MAP7: variants seen among roughly 807,000 people sequenced by gnomAD.
MAP7 encodes microtubule associated protein 7.
In MAP7, 52 loss-of-function variants were observed where a neutral mutation model predicts 94.8. The ratio of observed to expected loss-of-function variants is 0.55; its 90% confidence interval spans 0.44 to 0.69. MAP7 has a LOEUF of 0.69. MAP7 is among the 30% of genes least tolerant of loss of function. The pLI is 0.00. For missense variants in MAP7, 940 were observed against 964.6 expected (o/e 0.97, Z 0.34); for synonymous variants, 350 against 357.0 (o/e 0.98, Z 0.22).
intron 8 of MAP7, among the ~76,000 whole-genome samples, chr6:136,367,349 TCAGGAGGGCAGACTG>T (rs1794593827): frequency 1.3e-5 from 2 of 152,202 alleles, no homozygotes; most frequent in Non-Finnish European, 2.9e-5. Context: ...TGAACACCTG[TCAGGAGGGCAGACTG>T]CAAGCGTACA....
At chr6:136,541,609 G>A (rs1829324585) in intron 1 of MAP7, among the ~76,000 whole-genome samples, 1 of 152,122 alleles carries the variant, frequency 6.6e-6, no homozygotes, top group South Asian at 2.1e-4. Context: ...TATACCCCGT[G>A]CTCCTCTGTG....
chr6:136,358,238 C>T (rs549995737), intron 15 of MAP7, among the ~76,000 whole-genome samples: 1 of 152,186 alleles, frequency 6.6e-6, no homozygotes, highest in African/African-American at 2.4e-5. Flanking sequence ...AAGGAAAGGG[C>T]AGGAAGGGGG....
chr6:136,381,699 A>T (rs899113932), intron 6 of MAP7, among the ~76,000 whole-genome samples: 3 of 151,654 alleles, frequency 2.0e-5, no homozygotes, highest in African/African-American at 7.3e-5. Context: ...GAGAAGCAGA[A>T]CTCTCAAATC....
chr6:136,491,753 C>G (rs924671147), intron 1 of MAP7, among the ~76,000 whole-genome samples: 1 of 152,144 alleles, frequency 6.6e-6, no homozygotes, highest in African/African-American at 2.4e-5. Context: ...ACTGAAAAGT[C>G]AATACATTAA....
At chr6:136,537,693 G>A (rs6934598) in intron 1 of MAP7, among the ~76,000 whole-genome samples, 18,238 of 152,112 alleles carry the variant, frequency 0.12, 2,758 homozygotes, top group African/African-American at 0.35. Context: ...AGTGGCTACT[G>A]TATACAAAAA....
chr6:136,494,291 G>A (rs1817565445), intron 1 of MAP7, among the ~76,000 whole-genome samples: 1 of 152,160 alleles, frequency 6.6e-6, no homozygotes. Flanking sequence ...TTAGAATTCT[G>A]ACAGATTTAG....
At chr6:136,427,990 C>T (rs549893696) in intron 1 of MAP7, among the ~76,000 whole-genome samples, 5 of 152,116 alleles carry the variant, frequency 3.3e-5, no homozygotes, top group Non-Finnish European at 4.4e-5. Context: ...TAGTACAAAC[C>T]CAACAAAAGA....
At chr6:136,463,481 G>C (rs1805919591) in intron 1 of MAP7, among the ~76,000 whole-genome samples, 1 of 152,042 alleles carries the variant, frequency 6.6e-6, no homozygotes, top group African/African-American at 2.4e-5. Flanking sequence ...GTTTTCTAAA[G>C]AATTTTTTTT....
intron 1 of MAP7, among the ~76,000 whole-genome samples, chr6:136,516,899 T>C (rs1245176597): frequency 1.3e-5 from 2 of 151,642 alleles, no homozygotes; most frequent in East Asian, 1.9e-4. Flanking sequence ...GCATAGGACA[T>C]TGCCATCAAG....
intron 3 of MAP7, among the ~76,000 whole-genome samples, chr6:136,399,823 T>C (rs1216840244): frequency 1.3e-5 from 2 of 152,208 alleles, no homozygotes; most frequent in Non-Finnish European, 2.9e-5. Flanking sequence ...TGGCTTAACC[T>C]ATGCTCATCA....
At chr6:136,363,552 T>C (rs1793455157) in intron 10 of MAP7, among the ~76,000 whole-genome samples, 1 of 152,254 alleles carries the variant, frequency 6.6e-6, no homozygotes, top group South Asian at 2.1e-4. Flanking sequence ...TCCTCCTTTT[T>C]CTAACATTTT....
chr6:136,418,657 A>T (rs1278792913), intron 2 of MAP7, among the ~76,000 whole-genome samples: 1 of 152,268 alleles, frequency 6.6e-6, no homozygotes, highest in African/African-American at 2.4e-5. Context: ...AAAACTTACT[A>T]GATTAAAAGG....
At chr6:136,365,669 AG>A in intron 10 of MAP7, 65 bp downstream of exon 10, 1 of 1,517,624 alleles carries the variant, frequency 6.6e-7, no homozygotes, top group Non-Finnish European at 8.9e-7. Context: ...AAACAAAAAA[AG>A]CTTCATCAAA....
At chr6:136,530,935 A>G (rs1391214997) in intron 1 of MAP7, among the ~76,000 whole-genome samples, 5 of 144,904 alleles carry the variant, frequency 3.5e-5, no homozygotes, top group Non-Finnish European at 7.4e-5. Context: ...TGGTGCCTAC[A>G]GAGTCCATTT....
intron 1 of MAP7, among the ~76,000 whole-genome samples, chr6:136,440,623 G>T (rs955831827): frequency 6.6e-6 from 1 of 151,980 alleles, no homozygotes; most frequent in Non-Finnish European, 1.5e-5. Context: ...CTTGTTGCAA[G>T]GAGGAAACTA....
rs1283087799 is a variant in MAP7 at position 136,520,873 on chromosome 6, CAA to C, written c.67+29467_67+29468del. Among the ~76,000 whole-genome samples the C allele has an allele frequency of 2.0e-5, 3 of 152,168 alleles. No homozygotes were observed. In the East Asian group the frequency reaches 5.8e-4, roughly 29 times the overall value. On this transcript the variant is annotated intron_variant, in intron 1 of 17. Transcript: ENST00000354570. ...TTTGGTGCTGCCGGAGCACAAAGTG[CAA>C]AGAGTGGCAGGAAAGAGGATGGAGA...
chr6:136,395,491 A>T (rs1350300274), intron 3 of MAP7, among the ~76,000 whole-genome samples: 1 of 142,890 alleles, frequency 7.0e-6, no homozygotes, highest in African/African-American at 2.6e-5. Context: ...TAGTTTGCAT[A>T]TATTTTCTCC....
At chr6:136,430,941 A>G (rs1232282954) in intron 1 of MAP7, among the ~76,000 whole-genome samples, 1 of 152,192 alleles carries the variant, frequency 6.6e-6, no homozygotes, top group Non-Finnish European at 1.5e-5. Context: ...ATCCCACACC[A>G]GAGTGGTCCA....
chr6:136,496,231 A>G (rs1385316889), intron 1 of MAP7, among the ~76,000 whole-genome samples: 2 of 152,250 alleles, frequency 1.3e-5, no homozygotes, highest in South Asian at 4.1e-4. Context: ...GACATTGTTT[A>G]AGTTTCCTCT....
Sources: gnomAD v4.1 joint callset for allele counts (sites outside exome capture counted in the v4.1 genomes callset) on GRCh38, gnomAD v4.1.1 for gene constraint, MANE v1.5 for transcripts, NCBI Gene and HGNC (gene_info 2026-07-23, HGNC 2026-07-21) for gene names.